The following VCF2 variants were observed in gnomAD, a reference collection of about 807,000 sequenced individuals.
VCF2 encodes protein VCF2.
chrX:55,143,397 A>G, the VCF2 span: 1 of 115,198 alleles, frequency 8.7e-6, no homozygotes, highest in Non-Finnish European at 1.8e-5. Flanking sequence ...TTGTGTTTAC[A>G]AGGAATTGGA....
At chrX:55,154,285 T>A in the VCF2 span, among the ~76,000 whole-genome samples, 1 of 111,790 alleles carries the variant, frequency 8.9e-6, no homozygotes, top group Non-Finnish European at 1.9e-5. Flanking sequence ...AAATGAGATT[T>A]TAAGCACTTT....
chrX:55,147,634 GTTT>G, the VCF2 span, among the ~76,000 whole-genome samples: 1 of 54,088 alleles, frequency 1.8e-5, no homozygotes, highest in Non-Finnish European at 3.1e-5. Context: ...GGCTTTCCTT[GTTT>G]TTTTTTTTTT....
chrX:55,153,023 C>T, the VCF2 span, among the ~76,000 whole-genome samples: 1 of 112,294 alleles, frequency 8.9e-6, no homozygotes, highest in Non-Finnish European at 1.9e-5. Context: ...AACCTCTTGT[C>T]TCTTATCTAC....
chrX:55,151,955 G>T, the VCF2 span, among the ~76,000 whole-genome samples: 141 of 92,497 alleles, frequency 1.5e-3, 1 homozygote, highest in Non-Finnish European at 2.6e-3. Flanking sequence ...GCAGTGGCGG[G>T]ATCTCGGCTC....
At chrX:55,150,878 G>C in the VCF2 span, among the ~76,000 whole-genome samples, 6 of 111,495 alleles carry the variant, frequency 5.4e-5, no homozygotes, top group African/African-American at 2.0e-4. Flanking sequence ...TAATTACCCA[G>C]ATGAAACTAA....
chrX:55,151,922 C>T, the VCF2 span, among the ~76,000 whole-genome samples: 3 of 80,535 alleles, frequency 3.7e-5, no homozygotes, highest in African/African-American at 4.9e-5. Context: ...GACGGAGTCT[C>T]GCTCTGTCGC....
At chrX:55,148,996 C>T in the VCF2 span, among the ~76,000 whole-genome samples, 1 of 111,596 alleles carries the variant, frequency 9.0e-6, no homozygotes, top group African/African-American at 3.2e-5. Context: ...ATGTTTTCTT[C>T]CAACATAACA....
chrX:55,160,578 G>C, the VCF2 span, among the ~76,000 whole-genome samples: 1 of 111,704 alleles, frequency 9.0e-6, no homozygotes, highest in Non-Finnish European at 1.9e-5. Flanking sequence ...GATAAGATTG[G>C]TTTCCTTTAT....
At chrX:55,145,324 T>A in the VCF2 span, 1 of 749,640 alleles carries the variant, frequency 1.3e-6, no homozygotes, top group Non-Finnish European at 1.6e-6. Flanking sequence ...AAATATTACA[T>A]ATTTCTTATC....
the VCF2 span, chrX:55,161,016 A>T: frequency 8.6e-7 from 1 of 1,169,273 alleles, no homozygotes; most frequent in Non-Finnish European, 1.1e-6. Context: ...CCCGGAAGAA[A>T]ATACATATCC....
chrX:55,159,246 A>G, the VCF2 span: 1 of 1,160,080 alleles, frequency 8.6e-7, no homozygotes, highest in South Asian at 1.9e-5. Context: ...TAAATTGTAA[A>G]GAGAGAGTTG....
the VCF2 span, among the ~76,000 whole-genome samples, chrX:55,156,656 T>C: frequency 2.7e-5 from 3 of 112,322 alleles, no homozygotes; most frequent in East Asian, 8.3e-4. Flanking sequence ...GGGTAAATAA[T>C]CAATGCTTTT....
At chrX:55,151,218 A>C in the VCF2 span, among the ~76,000 whole-genome samples, 2 of 112,595 alleles carry the variant, frequency 1.8e-5, no homozygotes, top group East Asian at 5.6e-4. Context: ...GATTTTACTG[A>C]GGCTTTGATT....
At chrX:55,159,300 C>T in the VCF2 span, 229 of 849,299 alleles carry the variant, frequency 2.7e-4, no homozygotes, top group South Asian at 2.5e-3. Context: ...ATTGTAAAGC[C>T]GTGACAACAT....
chrX:55,160,884 T>A, the VCF2 span: 9 of 1,156,023 alleles, frequency 7.8e-6, no homozygotes, highest in Non-Finnish European at 8.0e-6. Context: ...ACCAGCATGT[T>A]CTTTCGGAGA....
At chrX:55,147,631 CTTGTTTTTTT>C in the VCF2 span, among the ~76,000 whole-genome samples, 2 of 68,569 alleles carry the variant, frequency 2.9e-5, no homozygotes, top group African/African-American at 1.0e-4. Flanking sequence ...GTTGGCTTTC[CTTGTTTTTTT>C]TTTTTTTTTT....
the VCF2 span, chrX:55,146,447 C>T: frequency 3.7e-6 from 2 of 544,651 alleles, no homozygotes; most frequent in South Asian, 6.0e-5. Flanking sequence ...TAAGATAGTT[C>T]ATTCTATCCT....
the VCF2 span, among the ~76,000 whole-genome samples, chrX:55,147,634 G>GTTTCTTTT: frequency 1.8e-5 from 1 of 54,091 alleles, no homozygotes; most frequent in Non-Finnish European, 3.1e-5. Flanking sequence ...GGCTTTCCTT[G>GTTTCTTTT]TTTTTTTTTT....
the VCF2 span, among the ~76,000 whole-genome samples, chrX:55,155,821 G>A: frequency 9.0e-6 from 1 of 110,809 alleles, no homozygotes; most frequent in Non-Finnish European, 1.9e-5. Flanking sequence ...AGGAATATTA[G>A]TTACAGAATA....
Sources: allele counts gnomAD v4.1 joint callset (sites outside exome capture counted in the v4.1 genomes callset), GRCh38; gene constraint gnomAD v4.1.1; transcripts MANE v1.5; gene names NCBI Gene and HGNC (gene_info 2026-07-23, HGNC 2026-07-21).